The following LHX6 variants were observed in gnomAD, a reference collection of about 807,000 sequenced individuals.
LHX6 encodes LIM/homeobox protein Lhx6.
A neutral mutation model predicts 47.1 loss-of-function variants in LHX6; 15 were observed. The observed-to-expected ratio is 0.32, with a 90% CI of 0.21 to 0.49. LHX6 has a LOEUF of 0.49. Ranked by LOEUF, LHX6 falls within the 20% of genes least tolerant of loss-of-function variation. LHX6 has a pLI of 0.99. For missense variants in LHX6, 404 were observed against 539.6 expected, an observed-to-expected ratio of 0.75 and a Z score of 2.49; for synonymous variants, 242 against 233.5, an observed-to-expected ratio of 1.04 and a Z score of -0.33.
rs1313756624 is a variant in LHX6, at chr9:122,214,714, T to A, written c.683-331A>T. 1.3e-5 allele frequency among the ~76,000 whole-genome samples: 2 copies of A among 152,130 alleles called. No homozygotes were observed. The highest frequency in any genetic ancestry group is 4.8e-5 in the African/African-American group (2 of 41,406). ...TTTCAACTAGAATCCGAAAGCTAGC[T>A]GACCCTAATGTCCCAAACTGGGCTC... On this transcript the variant is annotated intron_variant, in intron 5 of 9. Transcript: ENST00000394319. The surrounding 1 kb of genome is among the most constrained non-coding windows in gnomAD (Gnocchi z 4.6).
At position 122,213,869 on chromosome 9, in the gene LHX6, C is replaced by A. The variant is rs1392350156; in HGVS notation, c.880-89G>T. On this transcript the variant is annotated intron_variant, in intron 7 of 9. Transcript: ENST00000394319. The surrounding 1 kb of genome is among the most constrained non-coding windows in gnomAD (Gnocchi z 5.5). ...CCCAGGCGGGACTGCCTCGTCGCCTCCTGGAGAAGGATGGCCACGTGCACG... is the reference window on the plus strand; with the variant it reads ...CCCAGGCGGGACTGCCTCGTCGCCTACTGGAGAAGGATGGCCACGTGCACG... 6.6e-6 allele frequency: 10 copies of A among 1,522,148 alleles called. No individual in the cohort carries two copies. The highest frequency in any genetic ancestry group is 8.0e-6 in the Non-Finnish European group (9 of 1,127,028). The allele number at this position is 1,522,148 out of a possible 1,614,324, so 94.3% of individuals were successfully genotyped here.
Position 122,214,096 on chromosome 9 carries a change from G to A in LHX6, c.784-27C>T. 6.3e-7 allele frequency: 1 copy of A among 1,581,010 alleles called. No individual in the cohort carries two copies. Among genetic ancestry groups the A allele is most frequent in the Non-Finnish European group, 8.6e-7 (1 of 1,166,584 alleles). On this transcript the variant is annotated intron_variant, in intron 6 of 9. Transcript: ENST00000394319. The surrounding 1 kb of genome is among the most constrained non-coding windows in gnomAD (Gnocchi z 4.6). The stretch of plus-strand genomic sequence containing the variant: ...TGCGGGGCGGGGAGGGCGGTGAGGC[G>A]CTCGCACGCAGAGACTCCGAGACCC...
intron 9 of LHX6, among the ~76,000 whole-genome samples, chr9:122,207,734 G>A (rs1830238375): frequency 6.6e-6 from 1 of 152,050 alleles, no homozygotes; most frequent in African/African-American, 2.4e-5. Flanking sequence ...TACATACTAG[G>A]TGTACTGAGC....
chr9:122,221,248 A>T (rs1645644677), intron 4 of LHX6: 1 of 985,356 alleles, frequency 1.0e-6, no homozygotes, highest in Non-Finnish European at 1.2e-6. Context: ...AGAACCAGCA[A>T]TTAAGAGGTT....
chr9:122,213,990 C>G lies in LHX6; in HGVS notation c.863G>C (p.Ser288Thr). The G allele has an allele frequency of 3.2e-6, 5 of 1,567,256 alleles. 1 individual carries two copies. Residue 288 changes from serine to threonine, a missense_variant, in exon 7 of 10, where the codon AGC (serine) becomes ACC (threonine). By Grantham distance (58) the Ser-to-Thr change is moderately conservative (BLOSUM62 1). Around this residue, in one of 7 missense-constraint regions of LHX6, gnomAD observed 23 missense variants for 28.6 expected, o/e 0.80. Coordinates refer to ENST00000394319, the MANE Select transcript of LHX6 (RefSeq NM_014368.5). The surrounding 1 kb of genome is among the most constrained non-coding windows in gnomAD (Gnocchi z 5.5). ...CCGTCCCACCTGGATGACTCTCCGG[C>G]TGAGGCCCGTCATGTCCGCCAGCTT... is the stretch of plus-strand genomic sequence containing the variant. ...LQKLADMTGL[S>T]RRVIQVWFQN...
intron 4 of LHX6, among the ~76,000 whole-genome samples, chr9:122,220,445 G>T (rs1830799997): frequency 6.6e-6 from 1 of 152,226 alleles, no homozygotes; most frequent in African/African-American, 2.4e-5. Context: ...CGAAGGGCGC[G>T]AGGAGGCTTA....
rs768226529 is a variant in LHX6 at position 122,217,314 on chromosome 9, G to T, written c.462-26C>A. 3 of 1,584,342 alleles carry T rather than the reference G, an allele frequency of 1.9e-6. No homozygotes were observed. The East Asian group carries it at 6.8e-5, about 36-fold the overall frequency. ...CTGCAGGTCGAGAGGACAGGCACGG[G>T]GTGTCGAGACTCAGACAGGCCAACC... On this transcript the variant is annotated intron_variant, in intron 4 of 9. Transcript: ENST00000394319. This position sits in a 1 kb window ranked among gnomAD's most constrained non-coding sequence, Gnocchi z 4.9.
intron 8 of LHX6, among the ~76,000 whole-genome samples, chr9:122,212,677 G>C (rs1366491208): frequency 6.6e-6 from 1 of 152,012 alleles, no homozygotes; most frequent in Non-Finnish European, 1.5e-5. Context: ...CCAGGTTCCC[G>C]CTCACAAGTC....
At position 122,213,828 on chromosome 9, in the gene LHX6, C is replaced by A; in HGVS notation, c.880-48G>T. On this transcript the variant is annotated intron_variant, in intron 7 of 9. Coordinates refer to ENST00000394319, the MANE Select transcript of LHX6 (RefSeq NM_014368.5). This position sits in a 1 kb window ranked among gnomAD's most constrained non-coding sequence, Gnocchi z 5.5. ...CTCAGCCTCGAGGAAAAGAGTCGGA[C>A]GCGCCGCCGGGAGACCCCAGGCGGG... is the stretch of plus-strand genomic sequence containing the variant. The A allele has an allele frequency of 6.5e-7, 1 of 1,549,090 alleles. No individual in the cohort carries two copies. Among genetic ancestry groups the A allele is most frequent in the Non-Finnish European group, 8.7e-7 (1 of 1,147,408 alleles).
chr9:122,227,187 G>A (rs1386333328), intron 2 of LHX6, 157 bp from the exon 3 acceptor site: 1 of 783,618 alleles, frequency 1.3e-6, no homozygotes, highest in African/African-American at 1.8e-5. Flanking sequence ...AGGGCCTATT[G>A]GAGAGGAAGG....
At chr9:122,220,521 A>T (rs1830803931) in intron 4 of LHX6, among the ~76,000 whole-genome samples, 1 of 152,236 alleles carries the variant, frequency 6.6e-6, no homozygotes, top group African/African-American at 2.4e-5. Context: ...GAGCCACTGG[A>T]TTCCAGACAC....
rs1179337161 is a variant in LHX6, at chr9:122,204,693, A to G, written c.*67T>C. On this transcript the variant is annotated 3_prime_UTR_variant, in exon 10 of 10. Coordinates refer to ENST00000394319, the MANE Select transcript of LHX6 (RefSeq NM_014368.5). ...GTGGACTCCTGGCCGCAGCTTGGAC[A>G]CTGGATCTCAGCGGCTGAGGGGCAG... 1 of 1,586,028 alleles carries G rather than the reference A, an allele frequency of 6.3e-7. No individual in the cohort carries two copies. Among genetic ancestry groups the G allele is most frequent in the South Asian group, 1.2e-5 (1 of 86,694 alleles).
At chr9:122,211,363 T>C (rs574516065) in intron 8 of LHX6, among the ~76,000 whole-genome samples, 29 of 152,278 alleles carry the variant, frequency 1.9e-4, no homozygotes, top group African/African-American at 6.7e-4. Flanking sequence ...ACTTGGAAAA[T>C]GTATGTACAT....
At chr9:122,209,499 A>G in intron 9 of LHX6, 115 bp downstream of exon 9, 1 of 1,500,170 alleles carries the variant, frequency 6.7e-7, no homozygotes, top group South Asian at 1.2e-5. Context: ...CAGGCCGGGC[A>G]GACAGGGTCT....
chr9:122,228,312 C>T (rs1831195023), intron 1 of LHX6: 1 of 1,534,798 alleles, frequency 6.5e-7, no homozygotes, highest in Non-Finnish European at 8.7e-7. Context: ...GGTACCGGCC[C>T]CGCGTCGGGA....
In LHX6 at chr9:122,213,931, G is replaced by C; in HGVS notation, c.879+43C>G. On this transcript the variant is annotated intron_variant, in intron 7 of 9. Coordinates refer to ENST00000394319, the MANE Select transcript of LHX6 (RefSeq NM_014368.5). The surrounding 1 kb of genome is among the most constrained non-coding windows in gnomAD (Gnocchi z 5.5). ...GCGCCGAGCCCAGCTACGAGCTCCG[G>C]GGCGTGCCCGCGGTCCCCAGGCCCC... The C allele has an allele frequency of 6.5e-7, 1 of 1,545,614 alleles. No homozygotes were observed. Among genetic ancestry groups the C allele is most frequent in the Non-Finnish European group, 8.8e-7 (1 of 1,133,758 alleles).
rs547463991 is a variant in LHX6, at chr9:122,209,692, G to C, written c.1080C>G (p.His360Gln). The C allele has an allele frequency of 3.0e-6, 3 of 1,011,310 alleles. No homozygotes were observed. The highest frequency in any genetic ancestry group is 3.2e-5 in the African/African-American group (2 of 63,478). 62.6% of individuals were successfully genotyped at this position (1,011,310 alleles called of 1,614,324 possible). Residue 360 changes from histidine to glutamine, a missense_variant, in exon 9 of 10, where the codon CAC becomes CAG. Physicochemically the swap from His to Gln is conservative, Grantham distance 24. Transcript: ENST00000394319. ...GGGGTGCGGTGTAAGGCAGCCGGCAGTGCACCTGCCCGCACTGTACCTGAC... is the reference window on the plus strand; with the variant it reads ...GGGGTGCGGTGTAAGGCAGCCGGCACTGCACCTGCCCGCACTGTACCTGAC... ...IESQVQCGQVHCRLPYTAPPV... is the reference protein window; with the variant it reads ...IESQVQCGQVQCRLPYTAPPV...
intron 4 of LHX6, among the ~76,000 whole-genome samples, chr9:122,224,706 C>G (rs547433904): frequency 2.0e-5 from 3 of 152,006 alleles, no homozygotes; most frequent in Non-Finnish European, 2.9e-5. Flanking sequence ...TGCACGTGCA[C>G]GCACACACAC....
intron 9 of LHX6, among the ~76,000 whole-genome samples, chr9:122,208,830 T>C (rs1331308684): frequency 1.1e-5 from 1 of 88,960 alleles, no homozygotes; most frequent in African/African-American, 4.5e-5. Context: ...AGTGAAACTC[T>C]GTCTAAAAAA....
Sources: gnomAD v4.1 joint callset for allele counts (sites outside exome capture counted in the v4.1 genomes callset) on GRCh38, gnomAD v4.1.1 for gene constraint, gnomAD v4.1.1 regional missense constraint, Gnocchi (gnomAD v3.1) non-coding constraint, MANE v1.5 for transcripts, NCBI Gene and HGNC (gene_info 2026-07-23, HGNC 2026-07-21) for gene names.